The following CSNK1E variants were observed in gnomAD, a reference collection of about 807,000 sequenced individuals.
CSNK1E encodes the protein casein kinase I isoform epsilon.
A neutral mutation model predicts 46.1 loss-of-function variants in CSNK1E; 17 were observed. The observed-to-expected ratio is 0.37, with a 90% CI of 0.25 to 0.55. CSNK1E has a LOEUF of 0.55. CSNK1E is among the 20% of genes least tolerant of loss of function. The probability of loss-of-function intolerance (pLI) is 0.82; values close to 1 mark genes in which losing one functional copy is unlikely to be tolerated. For missense variants in CSNK1E, 386 were observed against 595.4 expected (o/e 0.65, Z 3.66); for synonymous variants, 241 against 242.6 (o/e 0.99, Z 0.06).
chr22:38,316,560 T>A (rs935228034), intron 1 of CSNK1E: 1 of 152,156 alleles, frequency 6.6e-6, no homozygotes, highest in Non-Finnish European at 1.5e-5. Flanking sequence ...CATCAATCTC[T>A]CACACAAAAA....
chr22:38,300,922 T>C lies in CSNK1E; in HGVS notation c.367A>G (p.Asn123Asp). The part of the protein sequence containing the change: ...ISRIEYIHSK[N>D]FIHRDVKPDN... ...GGCTTGACGTCCCGGTGGATGAAGT[T>C]CTTGGAGTGGATATACTCGATGCGG... The change falls in exon 5 of 11, where the codon AAC becomes GAC. Residue 123 changes from asparagine (N) to aspartate (D), a missense_variant. This residue lies in a region of CSNK1E where 212 missense variants were observed against 410.2 expected (regional missense o/e 0.52). Transcript: ENST00000396832. This position sits in a 1 kb window ranked among gnomAD's most constrained non-coding sequence, Gnocchi z 4.4. The C allele has an allele frequency of 6.2e-7, 1 of 1,614,014 alleles. No individual in the cohort carries two copies. Among genetic ancestry groups the C allele is most frequent in the Non-Finnish European group, 8.5e-7 (1 of 1,179,982 alleles).
intron 7 of CSNK1E, chr22:38,297,253 C>T (rs2145831201): frequency 1.4e-6 from 1 of 691,022 alleles, no homozygotes; most frequent in Non-Finnish European, 2.7e-6. Flanking sequence ...TAAGAAAGTG[C>T]CCAGTGCCCA....
intron 2 of CSNK1E, 122 bp downstream of exon 2, chr22:38,313,960 C>G (rs1569084209): frequency 1.1e-6 from 1 of 918,104 alleles, no homozygotes; most frequent in Non-Finnish European, 1.7e-6. Flanking sequence ...TGGGATGGCC[C>G]TGGGGCAAAT....
chr22:38,312,040 G>T (rs1312894353), intron 2 of CSNK1E, among the ~76,000 whole-genome samples: 1 of 152,264 alleles, frequency 6.6e-6, no homozygotes, highest in African/African-American at 2.4e-5. Context: ...CTGACCTCAA[G>T]TGATCTGCCC....
Position 38,298,850 on chromosome 22 carries a change from C to A in CSNK1E, c.821G>T (p.Arg274Leu). ...PDYSYLRQLF[R>L]NLFHRQGFSY... Reference sequence around the variant, plus strand: ...GAAGCCCTGCCGGTGGAAGAGGTTGCGGAAGAGCTGACGTAGGTAAGAGTA... The same window carrying A: ...GAAGCCCTGCCGGTGGAAGAGGTTGAGGAAGAGCTGACGTAGGTAAGAGTA... Residue 274 changes from arginine (R) to leucine (L), a missense_variant, in exon 7 of 11, where the codon CGC (arginine) becomes CTC (leucine). Physicochemically the swap from Arg to Leu is moderately radical, Grantham distance 102. This residue lies in a region of CSNK1E where 212 missense variants were observed against 410.2 expected (regional missense o/e 0.52). Transcript: ENST00000396832. This position sits in a 1 kb window ranked among gnomAD's most constrained non-coding sequence, Gnocchi z 4.2. 6.2e-7 allele frequency: 1 copy of A among 1,614,130 alleles called. No individual in the cohort carries two copies. Among genetic ancestry groups the A allele is most frequent in the Non-Finnish European group, 8.5e-7 (1 of 1,180,006 alleles).
chr22:38,293,362 G>A (rs775282864), intron 9 of CSNK1E, 43 bp from the exon 10 acceptor site: 8 of 1,293,836 alleles, frequency 6.2e-6, no homozygotes, highest in Non-Finnish European at 7.8e-6. Flanking sequence ...GAGAGAGAGG[G>A]AGGTACAAGC....
intron 7 of CSNK1E, chr22:38,297,794 G>A (rs2092648770): frequency 2.0e-6 from 2 of 1,004,840 alleles, no homozygotes; most frequent in Non-Finnish European, 2.4e-6. Flanking sequence ...CCACTGTGCT[G>A]CCATCTCTTG....
At position 38,313,873 on chromosome 22, in the gene CSNK1E, C is replaced by T. The variant is rs189274150; in HGVS notation, c.76+209G>A. ...CCTGCAGAAACTGGAGCTAAAAATA[C>T]CCTCCAGTGCCCAGCCTGGCCTGCG... On this transcript the variant is annotated intron_variant, in intron 2 of 10. Transcript: ENST00000396832. Among the ~76,000 whole-genome samples, 123 of 152,378 alleles carry T rather than the reference C, an allele frequency of 8.1e-4. 1 individual carries two copies. The highest frequency in any genetic ancestry group is 2.8e-3 in the African/African-American group (117 of 41,592).
chr22:38,297,463 T>C (rs2092646979), intron 7 of CSNK1E: 10 of 678,516 alleles, frequency 1.5e-5, no homozygotes, highest in Non-Finnish European at 1.8e-5. Flanking sequence ...TCTGTGTTAC[T>C]CCTTAGTGAA....
intron 7 of CSNK1E, chr22:38,296,261 C>T (rs911623219): frequency 2.0e-5 from 24 of 1,173,078 alleles, no homozygotes; most frequent in African/African-American, 7.9e-5. Flanking sequence ...CAAAGTCACA[C>T]GAGCATCCAC....
chr22:38,308,685 C>A (rs1367620644), intron 2 of CSNK1E, among the ~76,000 whole-genome samples: 2 of 152,008 alleles, frequency 1.3e-5, no homozygotes, highest in Non-Finnish European at 1.5e-5. Context: ...AGAGATGAGC[C>A]GGTGTCCACC....
At chr22:38,293,448 C>CCCACCT in intron 9 of CSNK1E, 129 bp from the exon 10 acceptor site, 1 of 634,310 alleles carries the variant, frequency 1.6e-6, no homozygotes, top group Non-Finnish European at 2.8e-6. Flanking sequence ...TACCCCCACC[C>CCCACCT]CCACCTCCAG....
chr22:38,304,804 G>A (rs775152139), intron 2 of CSNK1E, among the ~76,000 whole-genome samples: 4 of 152,098 alleles, frequency 2.6e-5, no homozygotes, highest in Non-Finnish European at 4.4e-5. Flanking sequence ...ACCGATACAC[G>A]CTACGACACG....
intron 1 of CSNK1E, among the ~76,000 whole-genome samples, chr22:38,315,892 CG>C (rs1439506169): frequency 1.3e-5 from 2 of 152,190 alleles, no homozygotes; most frequent in South Asian, 4.1e-4. Flanking sequence ...AGAACGAGAG[CG>C]GGAAGGGGCA....
chr22:38,314,964 T>C (rs745478206), intron 1 of CSNK1E, among the ~76,000 whole-genome samples: 5 of 152,096 alleles, frequency 3.3e-5, no homozygotes, highest in Non-Finnish European at 7.4e-5. Context: ...AGGAGGAAAC[T>C]GAAGGCCTGG....
In CSNK1E at chr22:38,302,930, G is replaced by C. The variant is rs772756628; in HGVS notation, c.267C>G (p.Leu89=). The C allele has an allele frequency of 6.2e-7, 1 of 1,614,106 alleles. No individual in the cohort carries two copies. Among genetic ancestry groups the C allele is most frequent in the South Asian group, 1.1e-5 (1 of 91,074 alleles). ...GGGAACAGAAGTTGAACAGGTCCTC[G>C]AGGCTAGGCCCCAGCAGCTCCATGA... ...VMVMELLGPS[L]EDLFNFCSRK... Residue 89 remains leucine (L), a synonymous_variant, in exon 4 of 11, where the codon CTC becomes CTG. Transcript: ENST00000396832.
intron 2 of CSNK1E, among the ~76,000 whole-genome samples, chr22:38,308,171 C>A (rs1569081666): frequency 6.6e-6 from 1 of 152,188 alleles, no homozygotes; most frequent in African/African-American, 2.4e-5. Flanking sequence ...TTTTTTGTGA[C>A]TGGCTTCTTT....
In CSNK1E at chr22:38,298,959, G is replaced by C. The variant is rs985659768; in HGVS notation, c.737-25C>G. 6.2e-7 allele frequency: 1 copy of C among 1,613,614 alleles called. No homozygotes were observed. Among genetic ancestry groups the C allele is most frequent in the African/African-American group, 1.3e-5 (1 of 74,912 alleles). Reference sequence around the variant, plus strand: ...GCTGGAGGGTGTTGCAGAGGATAGAGAAGGCCACTGTGAGGCCCACGCTCC... The same window carrying C: ...GCTGGAGGGTGTTGCAGAGGATAGACAAGGCCACTGTGAGGCCCACGCTCC... On this transcript the variant is annotated intron_variant, in intron 6 of 10. Transcript: ENST00000396832. This position sits in a 1 kb window ranked among gnomAD's most constrained non-coding sequence, Gnocchi z 4.2.
chr22:38,303,964 GC>G lies in CSNK1E; in HGVS notation c.77-717del, dbSNP rs1012245229. Reference sequence around the variant, plus strand: ...CAGTCCACTCCTGGCTTCTCAAGGGGCTCTAAGAAAATACCCTCACACACAC... The same window carrying G: ...CAGTCCACTCCTGGCTTCTCAAGGGGTCTAAGAAAATACCCTCACACACAC... On this transcript the variant is annotated intron_variant, in intron 2 of 10. Transcript: ENST00000396832. The surrounding 1 kb of genome is among the most constrained non-coding windows in gnomAD (Gnocchi z 4.7). 1.3e-5 allele frequency among the ~76,000 whole-genome samples: 2 copies of G among 152,112 alleles called. No individual in the cohort carries two copies. Among genetic ancestry groups the G allele is most frequent in the African/African-American group, 4.8e-5 (2 of 41,416 alleles).
Sources: gnomAD v4.1 joint callset for allele counts (sites outside exome capture counted in the v4.1 genomes callset) on GRCh38, gnomAD v4.1.1 for gene constraint, gnomAD v4.1.1 regional missense constraint, Gnocchi (gnomAD v3.1) non-coding constraint, MANE v1.5 for transcripts, NCBI Gene and HGNC (gene_info 2026-07-23, HGNC 2026-07-21) for gene names.